The following PALM2AKAP2 variants were observed in gnomAD, a reference collection of about 807,000 sequenced individuals.
PALM2AKAP2 encodes PALM2 and AKAP2 fusion.
In PALM2AKAP2, 37 loss-of-function variants were observed where a neutral mutation model predicts 71.5. The observed-to-expected ratio is 0.52, with a 90% CI of 0.40 to 0.68. The LOEUF (loss-of-function observed/expected upper bound fraction) is 0.68, where lower values mean the gene tolerates loss of function less well. PALM2AKAP2 is among the 30% of genes least tolerant of loss of function. The pLI, the probability that PALM2AKAP2 is intolerant of heterozygous loss-of-function variation, is 0.00. For missense variants in PALM2AKAP2, 1,224 were observed against 1,191.8 expected (o/e 1.03, Z -0.40); for synonymous variants, 468 against 478.8 (o/e 0.98, Z 0.29).
intron 1 of PALM2AKAP2, among the ~76,000 whole-genome samples, chr9:110,134,963 A>T (rs1266949144): frequency 6.6e-6 from 1 of 151,360 alleles, no homozygotes; most frequent in African/African-American, 2.4e-5. Flanking sequence ...TATAATTTGA[A>T]AATTAATGTT....
At chr9:109,895,503 T>C (rs1830178715) in intron 3 of PALM2AKAP2, among the ~76,000 whole-genome samples, 1 of 152,208 alleles carries the variant, frequency 6.6e-6, no homozygotes, top group Non-Finnish European at 1.5e-5. Context: ...GAGAGATTTG[T>C]TTGATCTGGG....
chr9:109,743,742 G>A (rs932684557), intron 1 of PALM2AKAP2, among the ~76,000 whole-genome samples: 4 of 152,148 alleles, frequency 2.6e-5, no homozygotes, highest in Admixed American at 1.3e-4. Flanking sequence ...TGTGTGCAAC[G>A]TCTTAATACA....
At chr9:109,814,819 T>C (rs766056644) in intron 1 of PALM2AKAP2, among the ~76,000 whole-genome samples, 2 of 152,104 alleles carry the variant, frequency 1.3e-5, no homozygotes, top group Non-Finnish European at 2.9e-5. Flanking sequence ...GATTGGAAGG[T>C]TTGAGATAAT....
chr9:109,829,534 G>T (rs1288442663), intron 1 of PALM2AKAP2, among the ~76,000 whole-genome samples: 2 of 151,918 alleles, frequency 1.3e-5, no homozygotes, highest in Non-Finnish European at 2.9e-5. Context: ...GATAAAAACA[G>T]ATTTCTAAGT....
At chr9:109,747,397 A>C (rs1828819199) in intron 1 of PALM2AKAP2, among the ~76,000 whole-genome samples, 1 of 152,192 alleles carries the variant, frequency 6.6e-6, no homozygotes, top group Admixed American at 6.5e-5. Context: ...TTCAATTTCT[A>C]GTAATGGTTA....
At chr9:110,158,575 T>A (rs1836519094) in intron 3 of PALM2AKAP2, among the ~76,000 whole-genome samples, 1 of 152,208 alleles carries the variant, frequency 6.6e-6, no homozygotes, top group Admixed American at 6.5e-5. Context: ...ACCTAACAAA[T>A]GCCAACCAGG....
intron 1 of PALM2AKAP2, among the ~76,000 whole-genome samples, chr9:110,054,111 G>C (rs1833778543): frequency 6.6e-6 from 1 of 152,222 alleles, no homozygotes; most frequent in Non-Finnish European, 1.5e-5. Flanking sequence ...TAAAAATGGA[G>C]ATACCAGGCT....
intron 1 of PALM2AKAP2, among the ~76,000 whole-genome samples, chr9:109,711,601 G>A (rs1828238703): frequency 6.6e-6 from 1 of 152,210 alleles, no homozygotes; most frequent in Non-Finnish European, 1.5e-5. Context: ...TGAGTGTGCT[G>A]GTTAAAGGGG....
intron 1 of PALM2AKAP2, among the ~76,000 whole-genome samples, chr9:110,126,324 G>A (rs1237323933): frequency 2.0e-5 from 3 of 152,174 alleles, no homozygotes; most frequent in African/African-American, 7.2e-5. Context: ...CTCACCAGGC[G>A]TGAACCCAAG....
intron 1 of PALM2AKAP2, among the ~76,000 whole-genome samples, chr9:109,711,859 T>C (rs1188419999): frequency 6.6e-6 from 1 of 152,216 alleles, no homozygotes; most frequent in African/African-American, 2.4e-5. Context: ...GATCTTCCAT[T>C]TCTTTCAGAG....
At chr9:109,733,051 A>C (rs1267089134) in intron 1 of PALM2AKAP2, among the ~76,000 whole-genome samples, 1 of 152,172 alleles carries the variant, frequency 6.6e-6, no homozygotes, top group Non-Finnish European at 1.5e-5. Context: ...GGTTCAGATT[A>C]TATTCTATAG....
intron 6 of PALM2AKAP2, among the ~76,000 whole-genome samples, chr9:109,975,659 A>C (rs1197711959): frequency 1.3e-5 from 2 of 152,222 alleles, no homozygotes; most frequent in Non-Finnish European, 2.9e-5. Context: ...TTGAGTGTCG[A>C]CTTGCTTTAA....
intron 6 of PALM2AKAP2, among the ~76,000 whole-genome samples, chr9:110,011,002 A>AAAC (rs1458842884): frequency 2.1e-5 from 2 of 96,532 alleles, no homozygotes; most frequent in African/African-American, 1.1e-4. Flanking sequence ...GTCTCAAAAA[A>AAAC]AAAAAAAAAA....
chr9:110,023,710 G>A lies in PALM2AKAP2; in HGVS notation c.582+7671G>A, dbSNP rs146882505. ...ACTCACATCAATAACCATAGATGTCGGGCAGGTGTGGTGGCTCACACCTGT... is the reference window on the plus strand; with the variant it reads ...ACTCACATCAATAACCATAGATGTCAGGCAGGTGTGGTGGCTCACACCTGT... On this transcript the variant is annotated intron_variant, in intron 7 of 9. Transcript: ENST00000302798. 1.4e-3 allele frequency among the ~76,000 whole-genome samples: 211 copies of A among 152,060 alleles called. 1 individual carries two copies. Among genetic ancestry groups the A allele is most frequent in the African/African-American group, 4.9e-3 (202 of 41,494 alleles).
chr9:109,860,618 C>T (rs769815134), intron 1 of PALM2AKAP2, among the ~76,000 whole-genome samples: 3 of 152,182 alleles, frequency 2.0e-5, no homozygotes, highest in Non-Finnish European at 4.4e-5. Flanking sequence ...TCCTGATTTC[C>T]TGGCCTTAAT....
exon 4 of PALM2AKAP2, chr9:110,169,560 G>GA (rs1836810318): frequency 6.6e-6 from 1 of 152,062 alleles, no homozygotes; most frequent in African/African-American, 2.4e-5. Context: ...AAGGAAACAC[G>GA]AAAGAAAAGT....
chr9:110,090,069 T>C (rs187659422), intron 1 of PALM2AKAP2: 12 of 217,392 alleles, frequency 5.5e-5, no homozygotes, highest in African/African-American at 2.1e-4. Flanking sequence ...TGTGTAAACG[T>C]AAATACACTC....
chr9:109,817,050 A>G (rs1363853592), intron 1 of PALM2AKAP2, among the ~76,000 whole-genome samples: 1 of 152,256 alleles, frequency 6.6e-6, no homozygotes, highest in Non-Finnish European at 1.5e-5. Context: ...TTTCTAAATC[A>G]GTGAATCAGT....
intron 6 of PALM2AKAP2, among the ~76,000 whole-genome samples, chr9:109,961,212 A>G (rs1831846277): frequency 6.6e-6 from 1 of 152,236 alleles, no homozygotes; most frequent in African/African-American, 2.4e-5. Flanking sequence ...CTTTATAATC[A>G]TAGCATTGCA....
Sources: gnomAD v4.1 joint callset for allele counts (sites outside exome capture counted in the v4.1 genomes callset) on GRCh38, gnomAD v4.1.1 for gene constraint, MANE v1.5 for transcripts, NCBI Gene and HGNC (gene_info 2026-07-23, HGNC 2026-07-21) for gene names.